KANK1: variants seen among roughly 807,000 people sequenced by gnomAD.
The protein encoded by KANK1 is KN motif and ankyrin repeat domain-containing protein 1.
A neutral mutation model predicts 106.2 loss-of-function variants in KANK1; 109 were observed. That is an observed-to-expected ratio of 1.03 (90% CI 0.88 to 1.20). The LOEUF is 1.20. KANK1 is among the 50% of genes most tolerant of loss of function. The probability of loss-of-function intolerance (pLI) is 0.00; values close to 1 mark genes in which losing one functional copy is unlikely to be tolerated. For synonymous variants in KANK1, 873 were observed against 652.2 expected (o/e 1.34, Z -5.16); for missense variants, 2,399 against 1,710.7 (o/e 1.40, Z -7.10).
At chr9:658,616 TA>T (rs1028655169) in intron 1 of KANK1, among the ~76,000 whole-genome samples, 2 of 152,132 alleles carry the variant, frequency 1.3e-5, no homozygotes, top group African/African-American at 2.4e-5. Context: ...GTTTTTTTTT[TA>T]ATTTTAGATT....
At chr9:650,431 T>C (rs764340428) in intron 1 of KANK1, among the ~76,000 whole-genome samples, 4 of 152,208 alleles carry the variant, frequency 2.6e-5, no homozygotes, top group Non-Finnish European at 5.9e-5. Flanking sequence ...TCTCACACTT[T>C]AATGTGAGAC....
chr9:477,486 C>A (rs967004130), intron 3 of KANK1, among the ~76,000 whole-genome samples: 1 of 152,142 alleles, frequency 6.6e-6, no homozygotes, highest in Admixed American at 6.5e-5. Flanking sequence ...AGAGAAATGA[C>A]CTTTGATGTA....
chr9:482,033 GCCT>G lies in KANK1; in HGVS notation c.-362+8768_-362+8770del, dbSNP rs1040774218. ...CTTCCTGTCACCTATTCTGTTCTGA[GCCT>G]CCTCCTCAGCCTCTGGACCTCTCCC... On this transcript the variant is annotated intron_variant, in intron 3 of 15. Coordinates refer to the KANK1 transcript ENST00000382303. Among the ~76,000 whole-genome samples, 31 of 152,052 alleles carry G rather than the reference GCCT, an allele frequency of 2.0e-4. 1 individual carries two copies. The highest frequency in any genetic ancestry group is 1.3e-3 in the Admixed American group (20 of 15,260).
chr9:557,762 G>T (rs1018453194), intron 1 of KANK1, among the ~76,000 whole-genome samples: 2 of 152,208 alleles, frequency 1.3e-5, no homozygotes, highest in African/African-American at 4.8e-5. Context: ...AGGTGTGGTG[G>T]CTGACACCTG....
chr9:515,595 T>C lies in KANK1; in HGVS notation c.-84+10841T>C, dbSNP rs73369074. On this transcript the variant is annotated intron_variant, in intron 1 of 11. Coordinates refer to ENST00000382297, the MANE Select transcript of KANK1 (RefSeq NM_015158.5). ...AAACTGCTCATACTGTATTACTCTT[T>C]CAACTTTTCTAATTTGTTAACTCAG... is the stretch of plus-strand genomic sequence containing the variant. Among the ~76,000 whole-genome samples the C allele has an allele frequency of 7.4e-3, 1,131 of 151,942 alleles. 49 individuals are homozygous for C. Among genetic ancestry groups the C allele is most frequent in the African/African-American group, 0.026 (1,083 of 41,182 alleles).
intron 1 of KANK1, among the ~76,000 whole-genome samples, chr9:532,654 A>G (rs1277230810): frequency 6.6e-6 from 1 of 152,136 alleles, no homozygotes; most frequent in African/African-American, 2.4e-5. Flanking sequence ...AGTCTTCACC[A>G]AGCTACTTGG....
chr9:521,642 C>A (rs1486857080), intron 1 of KANK1, among the ~76,000 whole-genome samples: 1 of 147,012 alleles, frequency 6.8e-6, no homozygotes, highest in Non-Finnish European at 1.5e-5. Context: ...TCTTGGGTCA[C>A]TTTAACCTCT....
rs903329919 is a variant in KANK1 at position 483,176 on chromosome 9, G to GA, written c.-362+9912dup. Among the ~76,000 whole-genome samples, 39 of 150,620 alleles carry GA rather than the reference G, an allele frequency of 2.6e-4. 2 individuals are homozygous for GA. The highest frequency in any genetic ancestry group is 6.9e-3 in the Middle Eastern group (2 of 290). Reference sequence around the variant, plus strand: ...CTTTATCATAGATATGTATGTATAGGAAAAAAAAACATAGTATATAGAGGG... The same window carrying GA: ...CTTTATCATAGATATGTATGTATAGGAAAAAAAAAACATAGTATATAGAGGG... On this transcript the variant is annotated intron_variant, in intron 3 of 15. Transcript: ENST00000382303.
At chr9:619,730 T>C (rs958050091) in intron 1 of KANK1, among the ~76,000 whole-genome samples, 10 of 152,204 alleles carry the variant, frequency 6.6e-5, no homozygotes, top group Non-Finnish European at 2.9e-5. Flanking sequence ...TACATTCCTA[T>C]ATTAAGATGT....
At chr9:564,376 G>A (rs1313528133) in intron 1 of KANK1, among the ~76,000 whole-genome samples, 3 of 152,014 alleles carry the variant, frequency 2.0e-5, no homozygotes, top group East Asian at 1.9e-4. Context: ...TGCACTTTCT[G>A]TAGCAAAGTA....
intron 1 of KANK1, among the ~76,000 whole-genome samples, chr9:609,739 T>C (rs981216429): frequency 1.3e-5 from 2 of 152,210 alleles, no homozygotes; most frequent in Non-Finnish European, 2.9e-5. Context: ...CCTTTAAAGT[T>C]AATTCTAAAT....
chr9:553,577 C>G (rs553650796), intron 1 of KANK1, among the ~76,000 whole-genome samples: 26 of 152,240 alleles, frequency 1.7e-4, no homozygotes, highest in African/African-American at 6.0e-4. Context: ...CCTCAAATGC[C>G]AAGAACCTGT....
At chr9:480,863 T>A (rs1350259005) in intron 3 of KANK1, among the ~76,000 whole-genome samples, 1 of 152,144 alleles carries the variant, frequency 6.6e-6, no homozygotes, top group Non-Finnish European at 1.5e-5. Flanking sequence ...CATTAGAAAG[T>A]GGACCAGACT....
intron 1 of KANK1, among the ~76,000 whole-genome samples, chr9:572,955 T>TG (rs1199295898): frequency 6.6e-6 from 1 of 152,222 alleles, no homozygotes; most frequent in Non-Finnish European, 1.5e-5. Context: ...ATTATCACAA[T>TG]GTATGTCCTA....
intron 1 of KANK1, among the ~76,000 whole-genome samples, chr9:511,107 CTGGAA>C: frequency 6.6e-6 from 1 of 152,176 alleles, no homozygotes; most frequent in East Asian, 1.9e-4. Context: ...AAGGTTCACT[CTGGAA>C]AGGAAAGGGA....
intron 1 of KANK1, among the ~76,000 whole-genome samples, chr9:632,639 T>G (rs1836017796): frequency 6.6e-6 from 1 of 152,278 alleles, no homozygotes; most frequent in African/African-American, 2.4e-5. Context: ...TGTAATTGAT[T>G]ATCACATTAT....
chr9:523,123 T>C (rs2059624693), intron 1 of KANK1, among the ~76,000 whole-genome samples: 1 of 151,620 alleles, frequency 6.6e-6, no homozygotes, highest in Non-Finnish European at 1.5e-5. Flanking sequence ...CTCTGACTTT[T>C]TTCTCCAGTT....
chr9:700,439 C>T (rs1236849877), intron 2 of KANK1, among the ~76,000 whole-genome samples: 1 of 152,182 alleles, frequency 6.6e-6, no homozygotes, highest in Admixed American at 6.5e-5. Context: ...CTTCTTAGAA[C>T]ACTTTCCACT....
intron 1 of KANK1, among the ~76,000 whole-genome samples, chr9:518,974 T>TC (rs1176973476): frequency 6.6e-6 from 1 of 151,242 alleles, no homozygotes; most frequent in Non-Finnish European, 1.5e-5. Flanking sequence ...CACCGCAAAC[T>TC]CCCCCTTCCA....
Sources: gnomAD v4.1 joint callset for allele counts (sites outside exome capture counted in the v4.1 genomes callset) on GRCh38, gnomAD v4.1.1 for gene constraint, MANE v1.5 for transcripts, NCBI Gene and HGNC (gene_info 2026-07-23, HGNC 2026-07-21) for gene names.